CARMIL3: variants seen among roughly 807,000 people sequenced by gnomAD.
CARMIL3 encodes the protein capping protein regulator and myosin 1 linker 3.
A neutral mutation model predicts 180.8 loss-of-function variants in CARMIL3; 88 were observed. The observed-to-expected ratio is 0.49, with a 90% CI of 0.41 to 0.58. CARMIL3 has a LOEUF of 0.58. Ranked by LOEUF, CARMIL3 falls within the 20% of genes least tolerant of loss-of-function variation. CARMIL3 has a pLI of 0.00. For missense variants in CARMIL3, 1,548 were observed against 1,787.0 expected (o/e 0.87, Z 2.41); for synonymous variants, 696 against 714.5 (o/e 0.97, Z 0.41).
intron 1 of CARMIL3, among the ~76,000 whole-genome samples, chr14:24,053,237 G>T (rs1456641539): frequency 6.6e-6 from 1 of 151,828 alleles, no homozygotes; most frequent in Non-Finnish European, 1.5e-5. Context: ...CCACACTCAG[G>T]CTCCCTGACA....
intron 8 of CARMIL3, 79 bp downstream of exon 8, chr14:24,055,389 TG>T: frequency 6.5e-7 from 1 of 1,545,674 alleles, no homozygotes; most frequent in South Asian, 1.1e-5. Context: ...AGTGCCCTTC[TG>T]GTCCCACAGC....
In CARMIL3 at chr14:24,065,117, T is replaced by TG; in HGVS notation, c.3240_3241insG (p.Pro1081AlafsTer14). The stretch of plus-strand genomic sequence containing the variant: ...CCCCTACCACTGGACTCCTCCTCCC[T>TG]CCACCCCCACCCCCTCCCCCGACTC... On this transcript the variant is annotated frameshift_variant, in exon 33 of 40. Coordinates refer to ENST00000342740, the MANE Select transcript of CARMIL3 (RefSeq NM_138360.4). LOFTEE classifies it high-confidence loss of function. 1 of 738,802 alleles carries TG rather than the reference T, an allele frequency of 1.4e-6. No individual in the cohort carries two copies. Among genetic ancestry groups the TG allele is most frequent in the African/African-American group, 2.4e-5 (1 of 40,820 alleles). 45.8% of individuals were successfully genotyped at this position (738,802 alleles called of 1,614,324 possible).
Position 24,065,114 on chromosome 14 carries a change from C to CCCAG in CARMIL3, c.3239_3240insAGCC (p.Pro1081AlafsTer15). ...GGTCCCCTACCACTGGACTCCTCCTCCCTCCACCCCCACCCCCTCCCCCGA... is the reference window on the plus strand; with the variant it reads ...GGTCCCCTACCACTGGACTCCTCCTCCCAGCCTCCACCCCCACCCCCTCCCCCGA... On this transcript the variant is annotated frameshift_variant, in exon 33 of 40. Coordinates refer to ENST00000342740, the MANE Select transcript of CARMIL3 (RefSeq NM_138360.4). LOFTEE classifies it high-confidence loss of function. 2.6e-6 allele frequency: 3 copies of CCCAG among 1,160,944 alleles called. No individual in the cohort carries two copies. Among genetic ancestry groups the CCCAG allele is most frequent in the Non-Finnish European group, 3.6e-6 (3 of 844,162 alleles). 71.9% of individuals were successfully genotyped at this position (1,160,944 alleles called of 1,614,324 possible). A position where few individuals can be genotyped will look rare whatever the true frequency, so the allele number is the denominator to read the frequency against.
Position 24,065,155 on chromosome 14 carries a change from CT to C in CARMIL3, c.3279del (p.Ser1094AlafsTer134), listed in dbSNP as rs2035773314. 1.3e-6 allele frequency: 2 copies of C among 1,491,082 alleles called. No individual in the cohort carries two copies. The highest frequency in any genetic ancestry group is 1.8e-6 in the Non-Finnish European group (2 of 1,121,146). The allele number at this position is 1,491,082 out of a possible 1,614,324, so 92.4% of individuals were successfully genotyped here. A position where few individuals can be genotyped will look rare whatever the true frequency, so the allele number is the denominator to read the frequency against. ...PPPPPTQESP[P>X]SPDPPSLGNN... ...CCTCCCCCGACTCAGGAGAGCCCCC[CT>C]AGCCCAGACCCCCCAAGCCTCGGCA... On this transcript the variant is annotated frameshift_variant, in exon 33 of 40. Transcript: ENST00000342740. LOFTEE classifies it high-confidence loss of function.
Position 24,057,163 on chromosome 14 carries a change from C to G in CARMIL3, c.1063-4C>G. The stretch of plus-strand genomic sequence containing the variant: ...CCTGCAACCCCTCTTCCTTCCTACT[C>G]CAGGCCCTCTACAGTTTCCTGGCCC... On this transcript the variant is annotated splice_polypyrimidine_tract_variant and splice_region_variant and intron_variant, in intron 13 of 39. Transcript: ENST00000342740. 1 of 1,613,806 alleles carries G rather than the reference C, an allele frequency of 6.2e-7. No individual in the cohort carries two copies. Among genetic ancestry groups the G allele is most frequent in the South Asian group, 1.1e-5 (1 of 90,992 alleles).
In CARMIL3 at chr14:24,056,936, C is replaced by G. The variant is rs898646605; in HGVS notation, c.974C>G (p.Thr325Ser). The G allele has an allele frequency of 1.2e-6, 2 of 1,614,084 alleles. No homozygotes were observed. The highest frequency in any genetic ancestry group is 8.5e-7 in the Non-Finnish European group (1 of 1,180,008). The change falls in exon 13 of 40, where the codon ACC (threonine) becomes AGC (serine). Residue 325 changes from threonine (T) to serine (S), a missense_variant. Transcript: ENST00000342740. Reference sequence around the variant, plus strand: ...TCAGGGCTCCAGGCACTCGGCCAGACCTTCGGGGCAAACCCAGCATTTGCC... The same window carrying G: ...TCAGGGCTCCAGGCACTCGGCCAGAGCTTCGGGGCAAACCCAGCATTTGCC... ...SPRGLQALGQ[T>S]FGANPAFASS...
At position 24,058,177 on chromosome 14, in the gene CARMIL3, C is replaced by G; in HGVS notation, c.1345C>G (p.Leu449Val). ...CAGGGCGCTGCTTCAGGGCCTCTCCCTCAACAGTCACCTCAGTGACCTGCA... is the reference window on the plus strand; with the variant it reads ...CAGGGCGCTGCTTCAGGGCCTCTCCGTCAACAGTCACCTCAGTGACCTGCA... ...ALRALLQGLS[L>V]NSHLSDLHLD... The change falls in exon 17 of 40, where the codon CTC becomes GTC. Residue 449 changes from leucine to valine, a missense_variant. Physicochemically the swap from Leu to Val is conservative, Grantham distance 32 (BLOSUM62 1). Around this residue, in one of 4 missense-constraint regions of CARMIL3, gnomAD observed 578 missense variants for 666.5 expected, o/e 0.87. Transcript: ENST00000342740. This position sits in a 1 kb window ranked among gnomAD's most constrained non-coding sequence, Gnocchi z 6.4. The G allele has an allele frequency of 6.2e-7, 1 of 1,613,892 alleles. No homozygotes were observed. The highest frequency in any genetic ancestry group is 8.5e-7 in the Non-Finnish European group (1 of 1,180,000).
At chr14:24,055,501 C>A (rs763854607) in intron 8 of CARMIL3, 42 bp from the exon 9 acceptor site, 3 of 1,607,368 alleles carry the variant, frequency 1.9e-6, no homozygotes, top group Non-Finnish European at 1.7e-6. Context: ...CTGACCCAAC[C>A]ACCTGCTCAC....
chr14:24,060,815 A>T, intron 25 of CARMIL3, 59 bp downstream of exon 25: 1 of 1,581,444 alleles, frequency 6.3e-7, no homozygotes, highest in Non-Finnish European at 8.6e-7. Flanking sequence ...AAGGCCGACC[A>T]TGCTAAGCCA....
In CARMIL3 at chr14:24,058,347, C is replaced by A. The variant is rs1174160803; in HGVS notation, c.1392+123C>A. 24 of 1,005,994 alleles carry A rather than the reference C, an allele frequency of 2.4e-5. No individual in the cohort carries two copies. Among genetic ancestry groups the A allele is most frequent in the Non-Finnish European group, 3.2e-5 (22 of 679,730 alleles). The allele number at this position is 1,005,994 out of a possible 1,614,324, so 62.3% of individuals were successfully genotyped here. ...CCTCTGCGACCCCCTGACCTGGCCA[C>A]ACCACCACTTTCCCCTCTCAGTCTG... On this transcript the variant is annotated intron_variant, in intron 17 of 39. Coordinates refer to ENST00000342740, the MANE Select transcript of CARMIL3 (RefSeq NM_138360.4). The surrounding 1 kb of genome is among the most constrained non-coding windows in gnomAD (Gnocchi z 6.4).
At position 24,069,256 on chromosome 14, in the gene CARMIL3, G is replaced by A. The variant is rs1429987102; in HGVS notation, c.4093+9G>A. Reference sequence around the variant, plus strand: ...GCCTCCTGACCCCACAGGTGCTGGTGGTGAGAGGGCAGGTCCCCCCTTCCC... The same window carrying A: ...GCCTCCTGACCCCACAGGTGCTGGTAGTGAGAGGGCAGGTCCCCCCTTCCC... On this transcript the variant is annotated intron_variant, in intron 39 of 39. Transcript: ENST00000342740. 1 of 1,613,864 alleles carries A rather than the reference G, an allele frequency of 6.2e-7. No homozygotes were observed. Among genetic ancestry groups the A allele is most frequent in the Non-Finnish European group, 8.5e-7 (1 of 1,179,908 alleles).
intron 36 of CARMIL3, 58 bp downstream of exon 36, chr14:24,066,714 A>AAT: frequency 1.3e-6 from 2 of 1,571,552 alleles, no homozygotes; most frequent in Non-Finnish European, 1.7e-6. Flanking sequence ...GTCCAAAGAA[A>AAT]CAGAAGCCCA....
rs778061501 is a variant in CARMIL3 at position 24,054,804 on chromosome 14, C to T, written c.456C>T (p.Val152=). ...CTTCCACATCTACCACCCACAGTGT[C>T]TGCGGTGAGCAGGGGCAGATGTGAG... ...SETSTSTTHS[V]CGGFSETYAA... The change falls in exon 6 of 40, where the codon GTC becomes GTT. Residue 152 remains valine, a synonymous_variant. Transcript: ENST00000342740. This position sits in a 1 kb window ranked among gnomAD's most constrained non-coding sequence, Gnocchi z 5.1. The T allele has an allele frequency of 1.2e-6, 2 of 1,613,802 alleles. No homozygotes were observed. The highest frequency in any genetic ancestry group is 8.5e-7 in the Non-Finnish European group (1 of 1,179,784).
In CARMIL3 at chr14:24,053,723, T is replaced by A. The variant is rs562588718; in HGVS notation, c.55T>A (p.Cys19Ser). The change falls in exon 2 of 40, where the codon TGC becomes AGC. Residue 19 changes from cysteine to serine, a missense_variant. Around this residue, in one of 4 missense-constraint regions of CARMIL3, gnomAD observed 578 missense variants for 666.5 expected, o/e 0.87. Coordinates refer to ENST00000342740, the MANE Select transcript of CARMIL3 (RefSeq NM_138360.4). The stretch of plus-strand genomic sequence containing the variant: ...CCCCCCCTCAGACAGCATCCGGAGG[T>A]GCCTGAGCCAAGGGGCCGTGCTCCA... ...TRELQDSIRRCLSQGAVLQQH... is the reference protein window; with the variant it reads ...TRELQDSIRRSLSQGAVLQQH... 1.2e-6 allele frequency: 2 copies of A among 1,611,720 alleles called. No homozygotes were observed. Among genetic ancestry groups the A allele is most frequent in the Non-Finnish European group, 1.7e-6 (2 of 1,178,782 alleles).
chr14:24,066,254 G>T lies in CARMIL3; in HGVS notation c.3526-144G>T, dbSNP rs550118922. 163 of 914,044 alleles carry T rather than the reference G, an allele frequency of 1.8e-4. No homozygotes were observed. In the African/African-American group the frequency reaches 2.5e-3, roughly 14 times the overall value. The allele number at this position is 914,044 out of a possible 1,614,324, so 56.6% of individuals were successfully genotyped here. Reference sequence around the variant, plus strand: ...TTCTTGTGCCCCTGGGGAGGTATGGGTGCCACTCTTTGGGAAACAGTTTTA... The same window carrying T: ...TTCTTGTGCCCCTGGGGAGGTATGGTTGCCACTCTTTGGGAAACAGTTTTA... On this transcript the variant is annotated intron_variant, in intron 34 of 39. Transcript: ENST00000342740.
Position 24,055,087 on chromosome 14 carries a change from C to T in CARMIL3, c.482C>T (p.Ala161Val), listed in dbSNP as rs267603958. Residue 161 changes from alanine (A) to valine (V), a missense_variant, in exon 7 of 40, where the codon GCT becomes GTT. By Grantham distance (64) the Ala-to-Val change is moderately conservative. Coordinates refer to ENST00000342740, the MANE Select transcript of CARMIL3 (RefSeq NM_138360.4). ...SVCGGFSETY[A>V]ALCDYNGLHC... Reference sequence around the variant, plus strand: ...ACAGGTGGCTTCTCTGAGACCTACGCTGCTCTGTGTGACTACAATGGGCTA... The same window carrying T: ...ACAGGTGGCTTCTCTGAGACCTACGTTGCTCTGTGTGACTACAATGGGCTA... The T allele has an allele frequency of 6.2e-7, 1 of 1,613,688 alleles. No individual in the cohort carries two copies. Among genetic ancestry groups the T allele is most frequent in the Non-Finnish European group, 8.5e-7 (1 of 1,180,020 alleles).
Position 24,057,788 on chromosome 14 carries a change from T to C in CARMIL3, c.1141-15T>C. 4 of 1,603,824 alleles carry C rather than the reference T, an allele frequency of 2.5e-6. No homozygotes were observed. The highest frequency in any genetic ancestry group is 2.5e-6 in the Non-Finnish European group (3 of 1,178,004). On this transcript the variant is annotated splice_polypyrimidine_tract_variant and intron_variant, in intron 14 of 39. Coordinates refer to ENST00000342740, the MANE Select transcript of CARMIL3 (RefSeq NM_138360.4). Reference sequence around the variant, plus strand: ...CTTCCAGCTCCCCTGAGACCCACCATATCTCCCCCCACAGCTTCTCGGTGC... The same window carrying C: ...CTTCCAGCTCCCCTGAGACCCACCACATCTCCCCCCACAGCTTCTCGGTGC...
intron 29 of CARMIL3, 122 bp downstream of exon 29, chr14:24,062,968 C>A: frequency 6.5e-7 from 1 of 1,537,378 alleles, no homozygotes; most frequent in Non-Finnish European, 8.8e-7. Context: ...GGCCTTCTGC[C>A]TCCAATCTCA....
rs756082594 is a variant in CARMIL3, at chr14:24,058,047, G to A, written c.1305G>A (p.Leu435=). Residue 435 remains leucine (L), a synonymous_variant, in exon 16 of 40, where the codon CTG becomes CTA. Transcript: ENST00000342740. The surrounding 1 kb of genome is among the most constrained non-coding windows in gnomAD (Gnocchi z 6.4). ...LSHVNLSATK[L]PLEALRALLQ... ...ACGTCAATCTGTCGGCCACAAAGCTGCCCCTGGAGGCCCTCAGGTCGGGTG... is the reference window on the plus strand; with the variant it reads ...ACGTCAATCTGTCGGCCACAAAGCTACCCCTGGAGGCCCTCAGGTCGGGTG... 1 of 1,613,824 alleles carries A rather than the reference G, an allele frequency of 6.2e-7. No homozygotes were observed. The highest frequency in any genetic ancestry group is 8.5e-7 in the Non-Finnish European group (1 of 1,180,024).
Sources: gnomAD v4.1 joint callset for allele counts (sites outside exome capture counted in the v4.1 genomes callset) on GRCh38, gnomAD v4.1.1 for gene constraint, gnomAD v4.1.1 regional missense constraint, Gnocchi (gnomAD v3.1) non-coding constraint, MANE v1.5 for transcripts, NCBI Gene and HGNC (gene_info 2026-07-23, HGNC 2026-07-21) for gene names.